Variants in PITPNA observed in about 807,000 individuals in gnomAD.
The protein encoded by PITPNA is phosphatidylinositol transfer protein alpha isoform.
PITPNA carries 13 observed loss-of-function variants against 50.3 expected under a neutral mutation model. The ratio of observed to expected loss-of-function variants is 0.26; its 90% confidence interval spans 0.17 to 0.41. The LOEUF is 0.41. Among genes scored for constraint, PITPNA ranks in the 10% least tolerant of loss-of-function variants. The pLI, the probability that PITPNA is intolerant of heterozygous loss-of-function variation, is 1.00. For missense variants in PITPNA, 207 were observed against 333.4 expected (o/e 0.62, Z 2.95); for synonymous variants, 120 against 119.6 (o/e 1.00, Z -0.02).
chr17:1,552,714 C>G (rs902696279), intron 3 of PITPNA, among the ~76,000 whole-genome samples: 2 of 152,138 alleles, frequency 1.3e-5, no homozygotes, highest in African/African-American at 4.8e-5. Flanking sequence ...GGTTCAACAA[C>G]CTATAGCACT....
intron 10 of PITPNA, among the ~76,000 whole-genome samples, chr17:1,523,326 T>C (rs1339104686): frequency 4.6e-5 from 7 of 151,996 alleles, no homozygotes; most frequent in Non-Finnish European, 8.8e-5. Context: ...GCATAGCTGC[T>C]AGAATGAAAC....
chr17:1,522,384 TTG>T (rs1263839770), intron 10 of PITPNA, among the ~76,000 whole-genome samples: 1 of 151,576 alleles, frequency 6.6e-6, no homozygotes, highest in African/African-American at 2.4e-5. Flanking sequence ...ACATCTTTTT[TTG>T]TGTGTGTGAG....
At position 1,526,923 on chromosome 17, in the gene PITPNA, C is replaced by T. The variant is rs193294256; in HGVS notation, c.769-5278G>A. Among the ~76,000 whole-genome samples the T allele has an allele frequency of 1.5e-3, 231 of 152,208 alleles. 1 individual carries two copies. The highest frequency in any genetic ancestry group is 5.3e-3 in the African/African-American group (221 of 41,526). ...GGGATTAGAGGTGCACCACATCCAG[C>T]TAATTTTTGTATTTTTAGTAGATGG... On this transcript the variant is annotated intron_variant, in intron 10 of 11. Transcript: ENST00000313486.
At chr17:1,559,854 A>C in intron 1 of PITPNA, 67 of 760,584 alleles carry the variant, frequency 8.8e-5, no homozygotes, top group South Asian at 1.2e-4. Context: ...AGAGCAACTC[A>C]AACAACATAA....
intron 2 of PITPNA, among the ~76,000 whole-genome samples, chr17:1,554,724 A>G (rs1227505535): frequency 6.6e-6 from 1 of 152,178 alleles, no homozygotes. Flanking sequence ...AAATCTGGAA[A>G]GTGAAGCAGA....
rs545148691 is a variant in PITPNA at position 1,525,230 on chromosome 17, C to T, written c.769-3585G>A. On this transcript the variant is annotated intron_variant, in intron 10 of 11. Transcript: ENST00000313486. ...GTCTCAAACTTCTGACCTCATGATC[C>T]GCCCGCCTCAGCCTCCCAAAGTGCT... Among the ~76,000 whole-genome samples, 69 of 152,014 alleles carry T rather than the reference C, an allele frequency of 4.5e-4. 1 individual carries two copies. The East Asian group carries it at 0.012, about 26-fold the overall frequency.
intron 2 of PITPNA, among the ~76,000 whole-genome samples, chr17:1,553,765 G>A (rs150863948): frequency 1.7e-3 from 258 of 152,252 alleles, no homozygotes; most frequent in Admixed American, 2.6e-3. Flanking sequence ...TGTGAAATCC[G>A]CAACCTCTAT....
intron 1 of PITPNA, among the ~76,000 whole-genome samples, chr17:1,559,319 T>C (rs2075756184): frequency 6.6e-6 from 1 of 152,208 alleles, no homozygotes; most frequent in African/African-American, 2.4e-5. Context: ...CACCAATTGC[T>C]GGAGATGCCA....
chr17:1,538,021 G>A (rs544772819), intron 7 of PITPNA, among the ~76,000 whole-genome samples: 47 of 152,160 alleles, frequency 3.1e-4, no homozygotes, highest in African/African-American at 8.9e-4. Flanking sequence ...GGATGGTCTC[G>A]AACTCAGGAC....
At chr17:1,528,052 G>C (rs1392931477) in intron 10 of PITPNA, among the ~76,000 whole-genome samples, 2 of 152,146 alleles carry the variant, frequency 1.3e-5, no homozygotes, top group Non-Finnish European at 2.9e-5. Context: ...TTAGGTAGGC[G>C]TGGTGGCCTG....
chr17:1,538,987 TTG>T, intron 6 of PITPNA, 35 bp from the exon 7 acceptor site: 1 of 1,443,394 alleles, frequency 6.9e-7, no homozygotes, highest in Non-Finnish European at 9.7e-7. Context: ...TATGCAGTTT[TTG>T]TCAGTTATAA....
At chr17:1,523,000 G>A (rs777606594) in intron 10 of PITPNA, among the ~76,000 whole-genome samples, 1 of 152,136 alleles carries the variant, frequency 6.6e-6, no homozygotes, top group African/African-American at 2.4e-5. Context: ...TTTAAAGGTG[G>A]GCACAATGTG....
chr17:1,534,029 G>GC (rs1017980027), intron 10 of PITPNA, 70 bp downstream of exon 10: 2 of 1,571,432 alleles, frequency 1.3e-6, no homozygotes, highest in African/African-American at 1.4e-5. Flanking sequence ...TCGGTGAAGC[G>GC]CCCCAGCAAA....
At chr17:1,561,699 A>ACGGTTACTC (rs2075769072) in intron 1 of PITPNA, among the ~76,000 whole-genome samples, 1 of 152,014 alleles carries the variant, frequency 6.6e-6, no homozygotes, top group Non-Finnish European at 1.5e-5. Flanking sequence ...CTTGGGCACC[A>ACGGTTACTC]CGGTTACTCC....
intron 3 of PITPNA, among the ~76,000 whole-genome samples, 189 bp from the exon 4 acceptor site, chr17:1,548,576 C>A (rs755439804): frequency 2.6e-5 from 4 of 152,074 alleles, no homozygotes; most frequent in Non-Finnish European, 5.9e-5. Context: ...TAACACACAC[C>A]CACGACGTGC....
chr17:1,538,485 C>A, intron 7 of PITPNA: 1 of 166,212 alleles, frequency 6.0e-6, no homozygotes, highest in Non-Finnish European at 1.3e-5. Flanking sequence ...CCCAGAGATC[C>A]TGACAATATT....
At chr17:1,534,249 A>T in intron 9 of PITPNA, 28 bp from the exon 10 acceptor site, 1 of 1,613,186 alleles carries the variant, frequency 6.2e-7, no homozygotes, top group Non-Finnish European at 8.5e-7. Context: ...CCACGTTAGA[A>T]CGCAGAAGGC....
chr17:1,543,000 A>G lies in PITPNA; in HGVS notation c.297+20T>C. ...TTCTTATACATCATCTACAGTTCCA[A>G]CCCCCTTGACAATACTTACTGTAAT... On this transcript the variant is annotated intron_variant, in intron 5 of 11. Transcript: ENST00000313486. 6.4e-7 allele frequency: 1 copy of G among 1,574,752 alleles called. No homozygotes were observed. Among genetic ancestry groups the G allele is most frequent in the East Asian group, 2.2e-5 (1 of 44,722 alleles).
chr17:1,548,173 C>A, intron 4 of PITPNA, 123 bp downstream of exon 4: 1 of 617,364 alleles, frequency 1.6e-6, no homozygotes, highest in Non-Finnish European at 2.8e-6. Flanking sequence ...AGCACTGATA[C>A]CCACCATCAG....
Sources: gnomAD v4.1 joint callset for allele counts (sites outside exome capture counted in the v4.1 genomes callset) on GRCh38, gnomAD v4.1.1 for gene constraint, MANE v1.5 for transcripts, NCBI Gene and HGNC (gene_info 2026-07-23, HGNC 2026-07-21) for gene names.